The following OSBPL11 variants were observed in gnomAD, a reference collection of about 807,000 sequenced individuals.
The protein encoded by OSBPL11 is oxysterol-binding protein-related protein 11.
In OSBPL11, 33 loss-of-function variants were observed where a neutral mutation model predicts 84.4. The ratio of observed to expected loss-of-function variants is 0.39; its 90% confidence interval spans 0.30 to 0.52. The LOEUF is 0.52. OSBPL11 is among the 20% of genes least tolerant of loss of function. The pLI is 0.72. For missense variants in OSBPL11, 736 were observed against 901.1 expected (o/e 0.82, Z 2.35); for synonymous variants, 276 against 310.2 (o/e 0.89, Z 1.16).
intron 2 of OSBPL11, among the ~76,000 whole-genome samples, chr3:125,580,619 G>A (rs1936410403): frequency 6.6e-6 from 1 of 151,282 alleles, no homozygotes; most frequent in African/African-American, 2.4e-5. Context: ...ATCAGTTAAT[G>A]CACAAAAGGA....
chr3:125,551,198 A>T lies in OSBPL11; in HGVS notation c.1654+983T>A, dbSNP rs911446022. 2.0e-5 allele frequency among the ~76,000 whole-genome samples: 3 copies of T among 148,038 alleles called. No homozygotes were observed. The Admixed American group carries it at 2.0e-4, about 10-fold the overall frequency. On this transcript the variant is annotated intron_variant, in intron 9 of 12. Coordinates refer to ENST00000296220, the MANE Select transcript of OSBPL11 (RefSeq NM_022776.5). The stretch of plus-strand genomic sequence containing the variant: ...AAAAAAAAAAAAATTAAATTAAATT[A>T]AATTAAAAAAAAGGATGGAAAATCT...
At chr3:125,539,798 A>G (rs948664849) in intron 10 of OSBPL11, among the ~76,000 whole-genome samples, 6 of 152,172 alleles carry the variant, frequency 3.9e-5, no homozygotes, top group African/African-American at 1.4e-4. Context: ...GACACAGATA[A>G]CAACAGGGTC....
At chr3:125,583,945 G>A (rs923197156) in intron 1 of OSBPL11, among the ~76,000 whole-genome samples, 17 of 152,100 alleles carry the variant, frequency 1.1e-4, no homozygotes, top group African/African-American at 3.4e-4. Flanking sequence ...ATCTTCCCCA[G>A]GCTTCAGGCT....
At chr3:125,572,671 C>G (rs1280980290) in intron 5 of OSBPL11, among the ~76,000 whole-genome samples, 1 of 151,846 alleles carries the variant, frequency 6.6e-6, no homozygotes, top group Non-Finnish European at 1.5e-5. Context: ...GTGACTTGCT[C>G]CCCTCCTTGC....
At chr3:125,546,377 C>T (rs1033786331) in intron 10 of OSBPL11, among the ~76,000 whole-genome samples, 7 of 151,770 alleles carry the variant, frequency 4.6e-5, no homozygotes, top group South Asian at 2.1e-4. Context: ...CTTGTCACCC[C>T]GGCTGGAGAG....
At chr3:125,589,342 CA>C (rs35267505) in intron 1 of OSBPL11, among the ~76,000 whole-genome samples, 630 of 62,008 alleles carry the variant, frequency 0.01, 6 homozygotes, top group Middle Eastern at 0.028. Flanking sequence ...AACTCCATCT[CA>C]AAAAAAAAAA....
intron 9 of OSBPL11, among the ~76,000 whole-genome samples, chr3:125,551,386 ATTAAAT>A (rs1426989039): frequency 7.9e-5 from 12 of 151,738 alleles, no homozygotes; most frequent in South Asian, 2.1e-4. Flanking sequence ...AGTATAAAAT[ATTAAAT>A]TTATATATAT....
At chr3:125,535,351 C>T (rs1160674299) in intron 11 of OSBPL11, among the ~76,000 whole-genome samples, 1 of 151,534 alleles carries the variant, frequency 6.6e-6, no homozygotes, top group East Asian at 1.9e-4. Context: ...AAACCTTCCC[C>T]TAAAGAAAAG....
chr3:125,585,545 A>C (rs74518775), intron 1 of OSBPL11, among the ~76,000 whole-genome samples: 6 of 150,960 alleles, frequency 4.0e-5, no homozygotes, highest in South Asian at 2.1e-4. Context: ...TGAAAAAAAA[A>C]AAAACAAAAC....
At chr3:125,541,742 T>C (rs1300431249) in intron 10 of OSBPL11, among the ~76,000 whole-genome samples, 1 of 152,200 alleles carries the variant, frequency 6.6e-6, no homozygotes, top group Non-Finnish European at 1.5e-5. Flanking sequence ...CATGCTCAGC[T>C]AACTTTTTAA....
intron 9 of OSBPL11, among the ~76,000 whole-genome samples, chr3:125,547,884 AT>A (rs891694969): frequency 6.0e-5 from 9 of 150,438 alleles, no homozygotes; most frequent in South Asian, 2.1e-4. Flanking sequence ...CCTAAAAATA[AT>A]TTTTTTTTTG....
At position 125,578,959 on chromosome 3, in the gene OSBPL11, C is replaced by T; in HGVS notation, c.489+1G>A. 6.5e-7 allele frequency: 1 copy of T among 1,540,078 alleles called. No homozygotes were observed. Among genetic ancestry groups the T allele is most frequent in the Non-Finnish European group, 8.8e-7 (1 of 1,139,886 alleles). ...TTAATATTGTATATAAATCTACATA[C>T]CTTTCCAATAGCTTCAGTATGATGC... On this transcript the variant is annotated splice_donor_variant, in intron 4 of 12. Coordinates refer to ENST00000296220, the MANE Select transcript of OSBPL11 (RefSeq NM_022776.5). LOFTEE classifies it high-confidence loss of function.
chr3:125,561,954 A>G (rs138278489), intron 7 of OSBPL11, among the ~76,000 whole-genome samples: 2 of 152,350 alleles, frequency 1.3e-5, no homozygotes, highest in African/African-American at 4.8e-5. Context: ...TGAATGGCAT[A>G]TCCTGGGTTC....
chr3:125,573,514 A>T (rs886393208), intron 5 of OSBPL11, among the ~76,000 whole-genome samples: 1 of 152,234 alleles, frequency 6.6e-6, no homozygotes, highest in African/African-American at 2.4e-5. Context: ...TTAATAAAGT[A>T]AAGCTTTTGT....
intron 5 of OSBPL11, 40 bp downstream of exon 5, chr3:125,576,149 T>A (rs550835351): frequency 1.3e-6 from 2 of 1,554,506 alleles, no homozygotes; most frequent in African/African-American, 2.8e-5. Flanking sequence ...GCAGGTAAAA[T>A]CATTTTGTGC....
intron 2 of OSBPL11, among the ~76,000 whole-genome samples, chr3:125,582,133 G>A (rs912165631): frequency 2.0e-5 from 3 of 152,054 alleles, no homozygotes; most frequent in African/African-American, 2.4e-5. Context: ...TCAGGAATTC[G>A]AGACCAGCCT....
At chr3:125,557,985 G>T (rs1386812588) in intron 8 of OSBPL11, among the ~76,000 whole-genome samples, 1 of 151,538 alleles carries the variant, frequency 6.6e-6, no homozygotes, top group Non-Finnish European at 1.5e-5. Context: ...GTACAGACAG[G>T]GTTTCGCCAT....
chr3:125,535,693 T>G (rs1340633464), intron 11 of OSBPL11, among the ~76,000 whole-genome samples: 2 of 149,842 alleles, frequency 1.3e-5, no homozygotes, highest in African/African-American at 4.9e-5. Context: ...CAGGCTGGTC[T>G]TGAACTCCTG....
intron 9 of OSBPL11, among the ~76,000 whole-genome samples, chr3:125,550,409 CA>C (rs1159131458): frequency 1.3e-4 from 14 of 108,228 alleles, no homozygotes; most frequent in Admixed American, 8.4e-4. Flanking sequence ...ACACACACAA[CA>C]AACAAAAAAA....
Sources: gnomAD v4.1 joint callset for allele counts (sites outside exome capture counted in the v4.1 genomes callset) on GRCh38, gnomAD v4.1.1 for gene constraint, MANE v1.5 for transcripts, NCBI Gene and HGNC (gene_info 2026-07-23, HGNC 2026-07-21) for gene names.